CAPSL: variants seen among roughly 807,000 people sequenced by gnomAD.
CAPSL encodes the protein calcyphosin-like protein.
Under a neutral mutation model 21.3 loss-of-function variants are expected in CAPSL, and 17 were observed. The ratio of observed to expected loss-of-function variants is 0.80; its 90% CI spans 0.55 to 1.20. CAPSL has a LOEUF of 1.20. CAPSL is among the 50% of genes most tolerant of loss of function. CAPSL has a pLI of 0.00. For missense variants in CAPSL, 289 were observed against 259.3 expected (o/e 1.11, Z -0.79); for synonymous variants, 102 against 89.3 (o/e 1.14, Z -0.80).
At position 35,909,997 on chromosome 5, in the gene CAPSL, T is replaced by C. The variant is rs1327720594; in HGVS notation, c.394A>G (p.Thr132Ala). ...TATACTTCACGAAGGTCTTCGATTG[T>C]TATAACACCATCTCCAGTCTTGTCT... is the stretch of plus-strand genomic sequence containing the variant. ...KLDKTGDGVI[T>A]IEDLREVYNA... Residue 132 changes from threonine (T) to alanine (A), a missense_variant, in exon 4 of 5, where the codon ACA becomes GCA. Physicochemically the swap from Thr to Ala is moderately conservative, Grantham distance 58. Coordinates refer to ENST00000651391, the MANE Select transcript of CAPSL (RefSeq NM_001042625.2). 6.2e-7 allele frequency: 1 copy of C among 1,613,850 alleles called. No homozygotes were observed. The highest frequency in any genetic ancestry group is 1.1e-5 in the South Asian group (1 of 90,944).
chr5:35,924,844 A>C (rs1738631649), intron 1 of CAPSL, among the ~76,000 whole-genome samples: 1 of 152,234 alleles, frequency 6.6e-6, no homozygotes, highest in East Asian at 1.9e-4. Flanking sequence ...GGAAGGCAGG[A>C]TTGCACAGGA....
At chr5:35,923,429 C>T (rs973071203) in intron 1 of CAPSL, among the ~76,000 whole-genome samples, 6 of 152,160 alleles carry the variant, frequency 3.9e-5, no homozygotes. Flanking sequence ...AACAGGAACT[C>T]AAACAAATGC....
chr5:35,910,420 A>G lies in CAPSL; in HGVS notation c.261T>C (p.Phe87=). The change falls in exon 3 of 5, where the codon TTT becomes TTC. Residue 87 remains phenylalanine, a synonymous_variant. Transcript: ENST00000651391. ...KEEVEELFRR[F]DKDGNGTIDF... ...CTATTGTTCCATTTCCATCTTTATCAAACCTCCGGAAAAGTTCTTCCACCT... is the reference window on the plus strand; with the variant it reads ...CTATTGTTCCATTTCCATCTTTATCGAACCTCCGGAAAAGTTCTTCCACCT... 6.2e-7 allele frequency: 1 copy of G among 1,614,026 alleles called. No homozygotes were observed. The highest frequency in any genetic ancestry group is 8.5e-7 in the Non-Finnish European group (1 of 1,179,920).
rs1273376819 is a variant in CAPSL at position 35,926,906 on chromosome 5, A to G, written c.1-5786T>C. On this transcript the variant is annotated intron_variant, in intron 1 of 4. Coordinates refer to ENST00000651391, the MANE Select transcript of CAPSL (RefSeq NM_001042625.2). The stretch of plus-strand genomic sequence containing the variant: ...TCCTGGTTTTCCTTTTTCAGGGAAA[A>G]GACCGTTCCTTGAAAGGGAACCGAA... 2.0e-5 allele frequency among the ~76,000 whole-genome samples: 3 copies of G among 152,206 alleles called. No homozygotes were observed. The East Asian group carries it at 5.8e-4, about 29-fold the overall frequency.
At chr5:35,918,220 A>G (rs147509587) in intron 2 of CAPSL, among the ~76,000 whole-genome samples, 22 of 152,352 alleles carry the variant, frequency 1.4e-4, no homozygotes, top group East Asian at 7.7e-4. Flanking sequence ...ATGTCCATCA[A>G]TGATAGACTG....
intron 1 of CAPSL, among the ~76,000 whole-genome samples, chr5:35,930,656 G>T (rs781042622): frequency 1.3e-5 from 2 of 152,144 alleles, no homozygotes; most frequent in African/African-American, 4.8e-5. Flanking sequence ...CCTATTATGT[G>T]CCATACAAGA....
In CAPSL at chr5:35,910,033, A is replaced by C. The variant is rs141951671; in HGVS notation, c.358T>G (p.Phe120Val). The C allele has an allele frequency of 3.0e-5, 48 of 1,612,906 alleles. No homozygotes were observed. Among genetic ancestry groups the C allele is most frequent in the Admixed American group, 1.8e-4 (11 of 59,774 alleles). The change falls in exon 4 of 5, where the codon TTT becomes GTT. Residue 120 changes from phenylalanine to valine, a missense_variant. By Grantham distance (50) the Phe-to-Val change is conservative (BLOSUM62 -1). Coordinates refer to ENST00000651391, the MANE Select transcript of CAPSL (RefSeq NM_001042625.2). ...RARKEVIMQA[F>V]RKLDKTGDGV... ...TCTCCAGTCTTGTCTAACTTTCTAA[A>C]AGCTTGCATGATTACCTCTTTTCTG...
chr5:35,913,309 C>T (rs1738283031), intron 2 of CAPSL, among the ~76,000 whole-genome samples: 1 of 152,042 alleles, frequency 6.6e-6, no homozygotes, highest in Admixed American at 6.6e-5. Flanking sequence ...GGAGAACTTC[C>T]CCAATCTAGC....
chr5:35,927,607 C>T (rs76369166), intron 1 of CAPSL, among the ~76,000 whole-genome samples: 1 of 152,296 alleles, frequency 6.6e-6, no homozygotes, highest in African/African-American at 2.4e-5. Flanking sequence ...TGATCCTGAG[C>T]ACTGAGACCA....
rs974481649 is a variant in CAPSL, at chr5:35,909,729, G to A, written c.525+137C>T. 3.4e-5 allele frequency: 26 copies of A among 754,598 alleles called. 1 individual carries two copies. The highest frequency in any genetic ancestry group is 2.1e-6 in the Non-Finnish European group (1 of 471,170). The allele number at this position is 754,598 out of a possible 1,614,324, so 46.7% of individuals were successfully genotyped here. On this transcript the variant is annotated intron_variant, in intron 4 of 4. Transcript: ENST00000651391. The stretch of plus-strand genomic sequence containing the variant: ...CTGGCAATGGAGAAGTTTCTAGATT[G>A]TTCCTAGGGAAATAGTTTACTTCTA...
At chr5:35,935,824 C>T (rs770740271) in intron 1 of CAPSL, among the ~76,000 whole-genome samples, 1 of 152,118 alleles carries the variant, frequency 6.6e-6, no homozygotes. Flanking sequence ...TCTTTCTGAC[C>T]ATCTGGTACC....
chr5:35,916,397 A>G (rs1292015810), intron 2 of CAPSL, among the ~76,000 whole-genome samples: 2 of 152,208 alleles, frequency 1.3e-5, no homozygotes, highest in African/African-American at 2.4e-5. Context: ...AAAAGAGCCC[A>G]CATTGCCAAG....
At chr5:35,911,776 A>C (rs1431320397) in intron 2 of CAPSL, among the ~76,000 whole-genome samples, 1 of 152,216 alleles carries the variant, frequency 6.6e-6, no homozygotes, top group Non-Finnish European at 1.5e-5. Context: ...GAACAGCTCC[A>C]GTCTACAGCT....
intron 1 of CAPSL, among the ~76,000 whole-genome samples, chr5:35,926,176 G>C (rs1186428787): frequency 6.6e-6 from 1 of 152,158 alleles, no homozygotes; most frequent in African/African-American, 2.4e-5. Context: ...ATAGGAGACT[G>C]TTGTTTCCAG....
intron 1 of CAPSL, among the ~76,000 whole-genome samples, chr5:35,921,696 C>T (rs753648694): frequency 8.5e-5 from 13 of 152,146 alleles, no homozygotes; most frequent in South Asian, 2.1e-4. Context: ...CCCCAAGGGA[C>T]GTACAAACTC....
chr5:35,913,608 A>G (rs1322932236), intron 2 of CAPSL, among the ~76,000 whole-genome samples: 4 of 152,204 alleles, frequency 2.6e-5, no homozygotes, highest in Non-Finnish European at 5.9e-5. Context: ...AGCCAAACTA[A>G]GCTTCATAAG....
chr5:35,910,912 C>T (rs1238092039), intron 2 of CAPSL, among the ~76,000 whole-genome samples: 2 of 152,146 alleles, frequency 1.3e-5, no homozygotes, highest in African/African-American at 2.4e-5. Flanking sequence ...ACCCATAGCA[C>T]TTTACAGAGC....
chr5:35,924,170 C>A (rs1303951043), intron 1 of CAPSL, among the ~76,000 whole-genome samples: 1 of 152,084 alleles, frequency 6.6e-6, no homozygotes, highest in Admixed American at 6.5e-5. Context: ...GGTAACTTGC[C>A]CAAGTCGCAC....
chr5:35,924,815 T>A (rs1375964296), intron 1 of CAPSL, among the ~76,000 whole-genome samples: 1 of 152,196 alleles, frequency 6.6e-6, no homozygotes, highest in Non-Finnish European at 1.5e-5. Flanking sequence ...AAAAGTTTAT[T>A]AAGCACCGGG....
Sources: gnomAD v4.1 joint callset for allele counts (sites outside exome capture counted in the v4.1 genomes callset) on GRCh38, gnomAD v4.1.1 for gene constraint, MANE v1.5 for transcripts, NCBI Gene and HGNC (gene_info 2026-07-23, HGNC 2026-07-21) for gene names.